WASL: variants seen among roughly 807,000 people sequenced by gnomAD.
WASL encodes WASP like actin nucleation promoting factor, also known as actin nucleation-promoting factor WASL.
A neutral mutation model predicts 55.5 loss-of-function variants in WASL; 20 were observed. That is an observed-to-expected ratio of 0.36 (90% CI 0.25 to 0.52). WASL has a LOEUF of 0.52. WASL is among the 20% of genes least tolerant of loss of function. The pLI is 0.92. For missense variants in WASL, 504 were observed against 622.5 expected (o/e 0.81, Z 2.03); for synonymous variants, 249 against 217.6 (o/e 1.14, Z -1.27).
At chr7:123,722,798 G>A (rs138645632) in intron 1 of WASL, among the ~76,000 whole-genome samples, 21 of 152,236 alleles carry the variant, frequency 1.4e-4, no homozygotes, top group African/African-American at 4.6e-4. Context: ...GGGAGACTCT[G>A]TCTCAAAAAA....
chr7:123,727,353 T>TCTCACACACA (rs1554406247), intron 1 of WASL, among the ~76,000 whole-genome samples: 6 of 147,710 alleles, frequency 4.1e-5, no homozygotes, highest in Admixed American at 2.0e-4. Flanking sequence ...AAAATATGTG[T>TCTCACACACA]CACACACACA....
At chr7:123,748,295 CAAGA>C (rs1804474630) in intron 1 of WASL, among the ~76,000 whole-genome samples, 2 of 152,252 alleles carry the variant, frequency 1.3e-5, no homozygotes, top group South Asian at 2.1e-4. Context: ...GCGGCTCTTG[CAAGA>C]AAATCCCCTT....
chr7:123,699,463 C>T (rs911743238), intron 5 of WASL, among the ~76,000 whole-genome samples: 1 of 152,130 alleles, frequency 6.6e-6, no homozygotes, highest in African/African-American at 2.4e-5. Context: ...CAACTATAAA[C>T]AATCAGACTC....
Position 123,692,428 on chromosome 7 carries a change from C to T in WASL, c.1266G>A (p.Val422=). The T allele has an allele frequency of 6.2e-7, 1 of 1,614,086 alleles. No homozygotes were observed. The highest frequency in any genetic ancestry group is 8.5e-7 in the Non-Finnish European group (1 of 1,180,028). ...AGGACACTGGCCGACTGTTCTGCTC[C>T]ACTTTTTTTAGCTGAGCACCCTCTC... ...QIREGAQLKK[V]EQNSRPVSCS... Residue 422 remains valine, a synonymous_variant, in exon 9 of 11, where the codon GTG becomes GTA. Transcript: ENST00000223023.
intron 1 of WASL, among the ~76,000 whole-genome samples, chr7:123,732,968 C>T (rs954769654): frequency 6.6e-6 from 1 of 151,830 alleles, no homozygotes; most frequent in Non-Finnish European, 1.5e-5. Context: ...TAAAAGCATA[C>T]TCATTCATAA....
At chr7:123,685,409 A>G (rs564812252) in intron 10 of WASL, among the ~76,000 whole-genome samples, 25 of 151,990 alleles carry the variant, frequency 1.6e-4, no homozygotes, top group African/African-American at 5.8e-4. Flanking sequence ...TAAACTCACC[A>G]ATCTTATTCT....
At chr7:123,689,010 C>G (rs770571906) in intron 10 of WASL, 32 bp downstream of exon 10, 146 of 205,522 alleles carry the variant, frequency 7.1e-4, no homozygotes, top group Middle Eastern at 1.8e-3. Flanking sequence ...CTCTCTGTCT[C>G]TCTCTCTCTC....
intron 5 of WASL, among the ~76,000 whole-genome samples, chr7:123,701,729 A>AAGTAAT (rs1803593436): frequency 6.6e-6 from 1 of 152,224 alleles, no homozygotes; most frequent in Non-Finnish European, 1.5e-5. Flanking sequence ...AAATACAGTA[A>AAGTAAT]AGTAATAATG....
At chr7:123,693,840 C>T (rs1803451633) in intron 8 of WASL, among the ~76,000 whole-genome samples, 1 of 152,098 alleles carries the variant, frequency 6.6e-6, no homozygotes, top group Non-Finnish European at 1.5e-5. Flanking sequence ...GTGGTGCATG[C>T]CTGTAATCTC....
chr7:123,723,144 GGCATTGTAT>G (rs779144715), intron 1 of WASL, among the ~76,000 whole-genome samples: 6 of 152,132 alleles, frequency 3.9e-5, no homozygotes, highest in Non-Finnish European at 7.3e-5. Flanking sequence ...TTAGAACACT[GGCATTGTAT>G]GCATTATTAA....
At chr7:123,691,361 C>T (rs909103477) in intron 9 of WASL, among the ~76,000 whole-genome samples, 1 of 151,330 alleles carries the variant, frequency 6.6e-6, no homozygotes, top group African/African-American at 2.4e-5. Flanking sequence ...AAACTTGAGC[C>T]CATGGGCCAA....
chr7:123,716,461 G>T (rs1803843401), intron 1 of WASL, among the ~76,000 whole-genome samples: 1 of 151,852 alleles, frequency 6.6e-6, no homozygotes, highest in Non-Finnish European at 1.5e-5. Context: ...GCTTGAATCT[G>T]CTTGACGATT....
chr7:123,693,459 T>A (rs1375142907), intron 8 of WASL, among the ~76,000 whole-genome samples: 1 of 152,244 alleles, frequency 6.6e-6, no homozygotes, highest in East Asian at 1.9e-4. Flanking sequence ...CTCTAAAAAT[T>A]GTCTGCAATT....
chr7:123,705,167 G>A (rs1486878300), intron 4 of WASL, among the ~76,000 whole-genome samples: 3 of 152,186 alleles, frequency 2.0e-5, no homozygotes, highest in African/African-American at 7.2e-5. Context: ...GATCATGGTG[G>A]CCTGGATTAG....
intron 1 of WASL, among the ~76,000 whole-genome samples, chr7:123,732,056 G>A (rs189981234): frequency 5.3e-5 from 8 of 152,214 alleles, no homozygotes; most frequent in Admixed American, 3.3e-4. Context: ...GGCCAGGCGC[G>A]GTGGCTCACA....
At chr7:123,717,312 G>C (rs1584866474) in intron 1 of WASL, among the ~76,000 whole-genome samples, 1 of 152,188 alleles carries the variant, frequency 6.6e-6, no homozygotes, top group South Asian at 2.1e-4. Flanking sequence ...CTTTTACTTC[G>C]TAGAGTCCCT....
At chr7:123,688,338 G>A (rs1293666509) in intron 10 of WASL, among the ~76,000 whole-genome samples, 5 of 151,742 alleles carry the variant, frequency 3.3e-5, no homozygotes, top group African/African-American at 4.8e-5. Flanking sequence ...GAGGTAAATG[G>A]CCCGATTTAT....
At chr7:123,742,252 T>C (rs1804355693) in intron 1 of WASL, among the ~76,000 whole-genome samples, 1 of 152,234 alleles carries the variant, frequency 6.6e-6, no homozygotes, top group Admixed American at 6.5e-5. Flanking sequence ...TTGGCATTCA[T>C]TTGGGTTTCA....
intron 1 of WASL, among the ~76,000 whole-genome samples, chr7:123,743,187 A>G (rs1053772954): frequency 1.3e-5 from 2 of 152,054 alleles, no homozygotes; most frequent in Admixed American, 1.3e-4. Context: ...AAATACAAAA[A>G]TTAGCCAGGG....
Sources: gnomAD v4.1 joint callset for allele counts (sites outside exome capture counted in the v4.1 genomes callset) on GRCh38, gnomAD v4.1.1 for gene constraint, MANE v1.5 for transcripts, NCBI Gene and HGNC (gene_info 2026-07-23, HGNC 2026-07-21) for gene names.